The following CYP7B1 variants were observed in gnomAD, a reference collection of about 807,000 sequenced individuals.
The protein encoded by CYP7B1 is cytochrome P450 family 7 subfamily B member 1.
A neutral mutation model predicts 42.7 loss-of-function variants in CYP7B1; 29 were observed. The observed-to-expected ratio is 0.68, with a 90% CI of 0.51 to 0.93. The LOEUF (loss-of-function observed/expected upper bound fraction) is 0.93. CYP7B1 is among the 40% of genes least tolerant of loss of function. The pLI, the probability that CYP7B1 is intolerant of heterozygous loss-of-function variation, is 0.00. For synonymous variants in CYP7B1, 235 were observed against 218.2 expected, an observed-to-expected ratio of 1.08 and a Z score of -0.68; for missense variants, 655 against 600.5, an observed-to-expected ratio of 1.09 and a Z score of -0.95.
chr8:64,603,312 T>C (rs918774427), intron 5 of CYP7B1, among the ~76,000 whole-genome samples: 8 of 152,222 alleles, frequency 5.3e-5, no homozygotes, highest in African/African-American at 1.9e-4. Flanking sequence ...TTTTTCATCA[T>C]GAGGGTAAGA....
intron 1 of CYP7B1, among the ~76,000 whole-genome samples, chr8:64,627,288 C>A (rs764839559): frequency 2.0e-5 from 3 of 152,280 alleles, no homozygotes; most frequent in East Asian, 1.9e-4. Flanking sequence ...ACCATTAATA[C>A]AGTTAATTCC....
chr8:64,701,529 T>C (rs1806916243), intron 1 of CYP7B1, among the ~76,000 whole-genome samples: 1 of 152,090 alleles, frequency 6.6e-6, no homozygotes. Context: ...GATATTACCA[T>C]GTGCTGATAT....
intron 3 of CYP7B1, 115 bp downstream of exon 3, chr8:64,615,576 T>C: frequency 9.9e-7 from 1 of 1,008,514 alleles, no homozygotes; most frequent in Non-Finnish European, 1.5e-6. Flanking sequence ...CATTTTATCA[T>C]TAGCCAATTA....
In CYP7B1 at chr8:64,597,849, G is replaced by A. The variant is rs80089884; in HGVS notation, c.1234-920C>T. The stretch of plus-strand genomic sequence containing the variant: ...CGACCAAGTATTTCCTGTAGTTGGT[G>A]CTCATTAACATTAGACCTGCTCACA... On this transcript the variant is annotated intron_variant, in intron 5 of 5. Transcript: ENST00000310193. 1.4e-4 allele frequency among the ~76,000 whole-genome samples: 21 copies of A among 152,094 alleles called. No homozygotes were observed. The East Asian group carries it at 4.1e-3, about 29-fold the overall frequency.
intron 1 of CYP7B1, among the ~76,000 whole-genome samples, chr8:64,726,995 T>C (rs1807334404): frequency 6.6e-6 from 1 of 152,170 alleles, no homozygotes; most frequent in South Asian, 2.1e-4. Context: ...CCAATGAGTA[T>C]GGGATGAAGG....
chr8:64,748,110 G>C (rs1363867455), intron 1 of CYP7B1, among the ~76,000 whole-genome samples: 1 of 152,142 alleles, frequency 6.6e-6, no homozygotes, highest in Non-Finnish European at 1.5e-5. Flanking sequence ...GATGATGTCT[G>C]ATGAGAGACA....
intron 1 of CYP7B1, among the ~76,000 whole-genome samples, chr8:64,787,288 T>C (rs139538050): frequency 0.022 from 3,379 of 152,338 alleles, 133 homozygotes; most frequent in African/African-American, 0.077. Flanking sequence ...TCCAAACTTT[T>C]ATGCTCTGCT....
chr8:64,787,913 G>C (rs1399258542), intron 1 of CYP7B1, among the ~76,000 whole-genome samples: 1 of 152,186 alleles, frequency 6.6e-6, no homozygotes, highest in Non-Finnish European at 1.5e-5. Flanking sequence ...GGCGGCAAGA[G>C]AGAGAAGTGC....
chr8:64,791,756 G>T (rs1477925735), intron 1 of CYP7B1, among the ~76,000 whole-genome samples: 1 of 152,168 alleles, frequency 6.6e-6, no homozygotes, highest in East Asian at 1.9e-4. Context: ...AACTAATATA[G>T]ATTTGTGGTA....
In CYP7B1 at chr8:64,638,816, C is replaced by G. The variant is rs182763651; in HGVS notation, c.123-14277G>C. 4.6e-5 allele frequency among the ~76,000 whole-genome samples: 7 copies of G among 151,798 alleles called. No homozygotes were observed. The East Asian group carries it at 1.4e-3, about 30-fold the overall frequency. On this transcript the variant is annotated intron_variant, in intron 1 of 5. Transcript: ENST00000310193. ...GAACCTAGGGCAAAGAAATATGCTA[C>G]TTTTGTGTATGTGTGTGTGTGTGTG...
intron 1 of CYP7B1, among the ~76,000 whole-genome samples, chr8:64,719,668 A>G (rs573823025): frequency 5.2e-4 from 79 of 152,296 alleles, no homozygotes; most frequent in Non-Finnish European, 9.7e-4. Flanking sequence ...CACTTCATCA[A>G]CCTCTAACAA....
intron 1 of CYP7B1, among the ~76,000 whole-genome samples, chr8:64,752,106 G>T (rs921060411): frequency 6.6e-6 from 1 of 150,800 alleles, no homozygotes; most frequent in Non-Finnish European, 1.5e-5. Flanking sequence ...GCCACCTATA[G>T]AATTAGAAAG....
intron 1 of CYP7B1, among the ~76,000 whole-genome samples, chr8:64,785,516 T>C (rs1585913779): frequency 6.6e-6 from 1 of 152,254 alleles, no homozygotes; most frequent in African/African-American, 2.4e-5. Flanking sequence ...TTTAGAATAA[T>C]TGAGTGATTA....
intron 1 of CYP7B1, among the ~76,000 whole-genome samples, chr8:64,797,555 C>T (rs1239677931): frequency 2.0e-5 from 3 of 152,186 alleles, no homozygotes; most frequent in African/African-American, 7.2e-5. Context: ...CATCTCCAGG[C>T]ATTCTAGAAA....
rs1340070910 is a variant in CYP7B1, at chr8:64,798,452, G to A, written c.122+14C>T. ...CCCAGGGCGCATGCGTGGCCTGGCG[G>A]CCGAGGCGCTTACCTGGTGCGCCGG... On this transcript the variant is annotated intron_variant, in intron 1 of 5. Coordinates refer to ENST00000310193, the MANE Select transcript of CYP7B1 (RefSeq NM_004820.5). 3.3e-6 allele frequency: 5 copies of A among 1,508,878 alleles called. No homozygotes were observed. The highest frequency in any genetic ancestry group is 4.4e-6 in the Non-Finnish European group (5 of 1,137,334). 93.5% of individuals were successfully genotyped at this position (1,508,878 alleles called of 1,614,324 possible).
intron 1 of CYP7B1, among the ~76,000 whole-genome samples, chr8:64,784,003 A>C (rs1804477182): frequency 6.6e-6 from 1 of 152,204 alleles, no homozygotes; most frequent in Non-Finnish European, 1.5e-5. Flanking sequence ...TTATTTTATG[A>C]ATCATTTTTC....
chr8:64,792,542 A>G (rs1222038732), intron 1 of CYP7B1, among the ~76,000 whole-genome samples: 2 of 152,206 alleles, frequency 1.3e-5, no homozygotes, highest in Non-Finnish European at 2.9e-5. Context: ...ATTGTTGAAA[A>G]GATTAGGGAA....
intron 1 of CYP7B1, among the ~76,000 whole-genome samples, chr8:64,635,791 C>T (rs1805761054): frequency 6.6e-6 from 1 of 152,196 alleles, no homozygotes; most frequent in African/African-American, 2.4e-5. Context: ...CCAGCTGAAT[C>T]TTTAGCTGTC....
At chr8:64,691,494 G>GT (rs1806744677) in intron 1 of CYP7B1, among the ~76,000 whole-genome samples, 2 of 123,108 alleles carry the variant, frequency 1.6e-5, no homozygotes, top group African/African-American at 2.8e-5. Context: ...GGGGGGGGGG[G>GT]TGGTGGTTAA....
Sources: gnomAD v4.1 joint callset for allele counts (sites outside exome capture counted in the v4.1 genomes callset) on GRCh38, gnomAD v4.1.1 for gene constraint, MANE v1.5 for transcripts, NCBI Gene and HGNC (gene_info 2026-07-23, HGNC 2026-07-21) for gene names.